Variants in CLVS2 observed in about 807,000 individuals in gnomAD.
CLVS2 encodes the protein clavesin-2.
A neutral mutation model predicts 29.0 loss-of-function variants in CLVS2; 19 were observed. The observed-to-expected ratio is 0.66, with a 90% confidence interval of 0.46 to 0.96. The LOEUF (loss-of-function observed/expected upper bound fraction) is 0.96. Among genes scored for constraint, CLVS2 ranks in the 40% least tolerant of loss-of-function variants. The pLI, the probability that CLVS2 is intolerant of heterozygous loss-of-function variation, is 0.00. For missense variants in CLVS2, 294 were observed against 404.1 expected (o/e 0.73, Z 2.34); for synonymous variants, 161 against 151.3 (o/e 1.06, Z -0.47).
At chr6:123,048,463 A>G (rs1468143196) in intron 3 of CLVS2, among the ~76,000 whole-genome samples, 159 bp from the exon 4 acceptor site, 2 of 152,136 alleles carry the variant, frequency 1.3e-5, no homozygotes, top group Non-Finnish European at 2.9e-5. Context: ...GAAAAGTACA[A>G]TGTTTAACGT....
chr6:123,069,723 C>G lies in CLVS2; in HGVS notation c.*5962C>G, dbSNP rs1212409364. The G allele has an allele frequency of 6.6e-6, 1 of 151,778 alleles. No individual in the cohort carries two copies. The highest frequency in any genetic ancestry group is 2.1e-4 in the South Asian group (1 of 4,824). 9.4% of individuals were successfully genotyped at this position (151,778 alleles called of 1,614,324 possible). A position where few individuals can be genotyped will look rare whatever the true frequency, so the allele number is the denominator to read the frequency against. On this transcript the variant is annotated 3_prime_UTR_variant, in exon 6 of 6. Transcript: ENST00000275162. ...CACTCTCGTTACAAAAAAGTGCGTT[C>G]CTTCTTCAGGAGGATCGAGTAGAAA...
intron 3 of CLVS2, among the ~76,000 whole-genome samples, chr6:123,032,750 G>A (rs1331332258): frequency 6.6e-6 from 1 of 151,962 alleles, no homozygotes; most frequent in Admixed American, 6.6e-5. Flanking sequence ...AAAATTATAG[G>A]TAAGTGGAGT....
At chr6:123,054,807 C>G (rs1389171688) in intron 4 of CLVS2, among the ~76,000 whole-genome samples, 1 of 150,832 alleles carries the variant, frequency 6.6e-6, no homozygotes, top group Non-Finnish European at 1.5e-5. Context: ...GAGTATGTGG[C>G]TTGAATATGC....
intron 3 of CLVS2, among the ~76,000 whole-genome samples, chr6:123,023,964 T>C (rs993195822): frequency 5.9e-5 from 9 of 152,144 alleles, no homozygotes; most frequent in African/African-American, 2.2e-4. Flanking sequence ...TCAGCCTTGG[T>C]CATTCATTTC....
chr6:123,013,403 T>C (rs1774780674), intron 3 of CLVS2, among the ~76,000 whole-genome samples: 1 of 152,014 alleles, frequency 6.6e-6, no homozygotes, highest in South Asian at 2.1e-4. Context: ...AGATTTTAAA[T>C]AAGTCAATTA....
At chr6:123,013,540 A>T (rs1002046782) in intron 3 of CLVS2, among the ~76,000 whole-genome samples, 1 of 152,072 alleles carries the variant, frequency 6.6e-6, no homozygotes. Context: ...ACTTACGTGC[A>T]TTATGAATGG....
intron 5 of CLVS2, among the ~76,000 whole-genome samples, chr6:123,058,604 T>G (rs1460381568): frequency 1.3e-5 from 2 of 152,178 alleles, no homozygotes; most frequent in Non-Finnish European, 2.9e-5. Flanking sequence ...CCAAAAATCT[T>G]TTTAAAATAT....
At chr6:123,028,689 A>G (rs534742048) in intron 3 of CLVS2, among the ~76,000 whole-genome samples, 32 of 152,188 alleles carry the variant, frequency 2.1e-4, no homozygotes, top group Admixed American at 7.2e-4. Flanking sequence ...GTATGAAACA[A>G]TTTTTCAAAG....
chr6:123,033,961 G>C (rs552460789), intron 3 of CLVS2, among the ~76,000 whole-genome samples: 73 of 152,180 alleles, frequency 4.8e-4, no homozygotes, highest in African/African-American at 1.7e-3. Context: ...CACATGAAAA[G>C]ATGTTCAACA....
chr6:123,016,847 G>A (rs1257432354), intron 3 of CLVS2, among the ~76,000 whole-genome samples: 1 of 152,100 alleles, frequency 6.6e-6, no homozygotes, highest in Non-Finnish European at 1.5e-5. Context: ...TCTGAGAGCT[G>A]TGATCATTCA....
chr6:123,044,532 C>A (rs1377292415), intron 3 of CLVS2, among the ~76,000 whole-genome samples: 2 of 151,116 alleles, frequency 1.3e-5, no homozygotes, highest in African/African-American at 2.4e-5. Flanking sequence ...AAAAAAAAAA[C>A]AAGGGAGGAT....
At chr6:123,061,696 T>C (rs569240352) in intron 5 of CLVS2, among the ~76,000 whole-genome samples, 2 of 152,326 alleles carry the variant, frequency 1.3e-5, no homozygotes, top group East Asian at 3.9e-4. Flanking sequence ...TATTCTCTAA[T>C]ATTGTTTTCA....
At chr6:123,030,695 A>G (rs992638863) in intron 3 of CLVS2, among the ~76,000 whole-genome samples, 1 of 151,940 alleles carries the variant, frequency 6.6e-6, no homozygotes, top group African/African-American at 2.4e-5. Flanking sequence ...AGACCAGCAC[A>G]TACTTTCTTC....
chr6:123,027,138 C>T (rs1481478445), intron 3 of CLVS2, among the ~76,000 whole-genome samples: 1 of 152,064 alleles, frequency 6.6e-6, no homozygotes, highest in East Asian at 1.9e-4. Flanking sequence ...GTAAAGAAGT[C>T]ATCTGTTAGA....
Position 123,056,006 on chromosome 6 carries a change from C to G in CLVS2, c.876C>G (p.Leu292=), listed in dbSNP as rs1246720091. 1 of 1,613,076 alleles carries G rather than the reference C, an allele frequency of 6.2e-7. No homozygotes were observed. Residue 292 remains leucine, a synonymous_variant, in exon 5 of 6, where the codon CTC becomes CTG. Transcript: ENST00000275162. ...SMPVKEVEKE[L]SPKSMKRSQS... ...CTGTGAAGGAAGTAGAGAAGGAACT[C>G]TCCCCAAAGTCCATGAAGAGGTATG...
chr6:123,037,980 C>G (rs981304571), intron 3 of CLVS2, among the ~76,000 whole-genome samples: 3 of 152,166 alleles, frequency 2.0e-5, no homozygotes, highest in Admixed American at 6.6e-5. Context: ...TGTGAGACAG[C>G]AGGCACTATC....
rs73769341 is a variant in CLVS2 at position 123,020,860 on chromosome 6, T to G, written c.564+9701T>G. 4.0e-3 allele frequency among the ~76,000 whole-genome samples: 613 copies of G among 152,178 alleles called. 2 individuals carry two copies. The highest frequency in any genetic ancestry group is 0.014 in the African/African-American group (574 of 41,556). ...TCTAGAAGCTCTTTATGTTATAATTTTTCCCTCTTTTTATTAGTCCTATAT... is the reference window on the plus strand; with the variant it reads ...TCTAGAAGCTCTTTATGTTATAATTGTTCCCTCTTTTTATTAGTCCTATAT... On this transcript the variant is annotated intron_variant, in intron 3 of 5. Transcript: ENST00000275162.
intron 2 of CLVS2, among the ~76,000 whole-genome samples, chr6:122,999,630 AT>A (rs1271050896): frequency 2.0e-5 from 3 of 152,188 alleles, no homozygotes; most frequent in African/African-American, 7.2e-5. Flanking sequence ...ACATTGTAGG[AT>A]CATGCAAATC....
At position 123,067,662 on chromosome 6, in the gene CLVS2, A is replaced by C. The variant is rs1445668667; in HGVS notation, c.*3901A>C. ...GTACATTTTTTACAACAATAAGCTC[A>C]TAGGCATATATTCCATTGTAGATCT... On this transcript the variant is annotated 3_prime_UTR_variant, in exon 6 of 6. Coordinates refer to ENST00000275162, the MANE Select transcript of CLVS2 (RefSeq NM_001010852.4). 1 of 151,788 alleles carries C rather than the reference A, an allele frequency of 6.6e-6. No individual in the cohort carries two copies. The highest frequency in any genetic ancestry group is 6.6e-5 in the Admixed American group (1 of 15,202). 9.4% of individuals were successfully genotyped at this position (151,788 alleles called of 1,614,324 possible).
Sources: allele counts gnomAD v4.1 joint callset (sites outside exome capture counted in the v4.1 genomes callset), GRCh38; gene constraint gnomAD v4.1.1; transcripts MANE v1.5; gene names NCBI Gene and HGNC (gene_info 2026-07-23, HGNC 2026-07-21).